Variants in SGCZ observed in about 807,000 individuals in gnomAD.
The protein encoded by SGCZ is sarcoglycan zeta.
Under a neutral mutation model 41.3 loss-of-function variants are expected in SGCZ, and 40 were observed. The observed-to-expected ratio is 0.97, with a 90% CI of 0.75 to 1.26. The LOEUF (loss-of-function observed/expected upper bound fraction) is 1.26, where lower values mean the gene tolerates loss of function less well. Among genes scored for constraint, SGCZ ranks in the 50% most tolerant of loss-of-function variants. The probability of loss-of-function intolerance (pLI) is 0.00; values close to 1 mark genes in which losing one functional copy is unlikely to be tolerated. For synonymous variants in SGCZ, 206 were observed against 137.5 expected, an observed-to-expected ratio of 1.50 and a Z score of -3.49; for missense variants, 552 against 369.8, an observed-to-expected ratio of 1.49 and a Z score of -4.04.
rs769094109 is a variant in SGCZ at position 14,360,473 on chromosome 8, G to A, written c.235-36269C>T. 2.6e-5 allele frequency among the ~76,000 whole-genome samples: 4 copies of A among 151,900 alleles called. No homozygotes were observed. The East Asian group carries it at 5.8e-4, about 22-fold the overall frequency. Reference sequence around the variant, plus strand: ...CCTGAGCAGCTGGGATTACAGGCACGCATCACCACACCCAGCTAATTTCTG... The same window carrying A: ...CCTGAGCAGCTGGGATTACAGGCACACATCACCACACCCAGCTAATTTCTG... On this transcript the variant is annotated intron_variant, in intron 2 of 7. Coordinates refer to ENST00000382080, the MANE Select transcript of SGCZ (RefSeq NM_139167.4).
chr8:15,008,172 C>T (rs549119461), intron 1 of SGCZ, among the ~76,000 whole-genome samples: 5 of 152,256 alleles, frequency 3.3e-5, no homozygotes, highest in African/African-American at 1.2e-4. Flanking sequence ...TCTGCACCTA[C>T]TTGAAGCACT....
intron 1 of SGCZ, among the ~76,000 whole-genome samples, chr8:14,988,215 C>G (rs1563413943): frequency 6.6e-6 from 1 of 151,622 alleles, no homozygotes; most frequent in Non-Finnish European, 1.5e-5. Context: ...GTAATATTAA[C>G]AAAAATCAAT....
chr8:14,097,823 A>T (rs1343057293), intron 7 of SGCZ, among the ~76,000 whole-genome samples: 11 of 151,958 alleles, frequency 7.2e-5, no homozygotes, highest in Admixed American at 7.2e-4. Flanking sequence ...TGTTTCATTA[A>T]TCTCTTTACC....
At chr8:14,689,248 A>T (rs1808721205) in intron 1 of SGCZ, among the ~76,000 whole-genome samples, 1 of 152,198 alleles carries the variant, frequency 6.6e-6, no homozygotes, top group Admixed American at 6.5e-5. Context: ...TTTTTTGAAA[A>T]TTGAAAAAGT....
At chr8:14,525,620 C>T (rs1563386277) in intron 2 of SGCZ, among the ~76,000 whole-genome samples, 1 of 152,114 alleles carries the variant, frequency 6.6e-6, no homozygotes, top group African/African-American at 2.4e-5. Flanking sequence ...ATATATACTT[C>T]TTGACCTAGT....
At chr8:14,509,395 A>T (rs1802403893) in intron 2 of SGCZ, among the ~76,000 whole-genome samples, 3 of 152,156 alleles carry the variant, frequency 2.0e-5, no homozygotes, top group Non-Finnish European at 4.4e-5. Flanking sequence ...ACAGAAAATG[A>T]TATAAATAAT....
At chr8:14,285,976 G>A (rs1783097175) in intron 3 of SGCZ, among the ~76,000 whole-genome samples, 1 of 152,060 alleles carries the variant, frequency 6.6e-6, no homozygotes, top group Non-Finnish European at 1.5e-5. Context: ...AATAATGTAT[G>A]TGTATCTAAA....
At chr8:14,667,336 C>G (rs560999302) in intron 1 of SGCZ, among the ~76,000 whole-genome samples, 1 of 152,244 alleles carries the variant, frequency 6.6e-6, no homozygotes, top group Admixed American at 6.5e-5. Context: ...TGAACTCATA[C>G]AGGGTTTTTC....
chr8:14,244,050 G>C (rs925193928), intron 3 of SGCZ, among the ~76,000 whole-genome samples: 18 of 152,080 alleles, frequency 1.2e-4, no homozygotes, highest in African/African-American at 4.3e-4. Flanking sequence ...ACTGAACTGA[G>C]CACATTACAA....
At chr8:14,299,013 G>C (rs1462702735) in intron 3 of SGCZ, among the ~76,000 whole-genome samples, 5 of 151,980 alleles carry the variant, frequency 3.3e-5, no homozygotes, top group African/African-American at 7.2e-5. Flanking sequence ...TAGGTCAATT[G>C]AACCGAATCC....
chr8:14,095,647 A>G (rs1585128760), intron 7 of SGCZ, among the ~76,000 whole-genome samples: 4 of 152,060 alleles, frequency 2.6e-5, no homozygotes, highest in Non-Finnish European at 2.9e-5. Context: ...AAGAATGTCA[A>G]TGGCAGCTTG....
At chr8:15,003,909 C>T (rs924087867) in intron 1 of SGCZ, among the ~76,000 whole-genome samples, 1 of 152,058 alleles carries the variant, frequency 6.6e-6, no homozygotes, top group Admixed American at 6.6e-5. Flanking sequence ...TTTACAACAA[C>T]GCAGTTAATA....
At chr8:14,665,867 G>A (rs573584432) in intron 1 of SGCZ, among the ~76,000 whole-genome samples, 1 of 152,240 alleles carries the variant, frequency 6.6e-6, no homozygotes, top group Non-Finnish European at 1.5e-5. Context: ...TGACTATTAA[G>A]TGTCGATCGT....
chr8:14,680,964 G>GTAA (rs1808424422), intron 1 of SGCZ, among the ~76,000 whole-genome samples: 1 of 117,904 alleles, frequency 8.5e-6, no homozygotes, highest in African/African-American at 3.2e-5. Context: ...AAAAGAGTGG[G>GTAA]AAAAAAAAAA....
intron 1 of SGCZ, among the ~76,000 whole-genome samples, chr8:14,844,735 TGGAATAACA>T (rs1329925667): frequency 1.3e-5 from 2 of 152,156 alleles, no homozygotes; most frequent in Non-Finnish European, 2.9e-5. Context: ...TCTAGAAGTA[TGGAATAACA>T]GGAGCTGAGT....
chr8:14,815,439 T>A (rs1036039914), intron 1 of SGCZ, among the ~76,000 whole-genome samples: 1 of 151,796 alleles, frequency 6.6e-6, no homozygotes, highest in African/African-American at 2.4e-5. Flanking sequence ...AGGGACTAGA[T>A]GGATGTAGAG....
intron 3 of SGCZ, chr8:14,319,557 C>T (rs1003914820): frequency 1.3e-5 from 2 of 151,858 alleles, no homozygotes; most frequent in African/African-American, 4.8e-5. Flanking sequence ...GCAAACAAAA[C>T]TAATTAAGAA....
At chr8:14,303,433 AC>A (rs1801256837) in intron 3 of SGCZ, among the ~76,000 whole-genome samples, 2 of 152,164 alleles carry the variant, frequency 1.3e-5, no homozygotes, top group Middle Eastern at 3.4e-3. Context: ...ATCTTTAAAA[AC>A]CTGTACTATA....
At chr8:14,522,030 A>C (rs1342932493) in intron 2 of SGCZ, among the ~76,000 whole-genome samples, 1 of 152,124 alleles carries the variant, frequency 6.6e-6, no homozygotes, top group Non-Finnish European at 1.5e-5. Flanking sequence ...TGATCAAGCG[A>C]TATTTCATCT....
Sources: gnomAD v4.1 joint callset for allele counts (sites outside exome capture counted in the v4.1 genomes callset) on GRCh38, gnomAD v4.1.1 for gene constraint, MANE v1.5 for transcripts, NCBI Gene and HGNC (gene_info 2026-07-23, HGNC 2026-07-21) for gene names.